MYH7B: variants seen among roughly 807,000 people sequenced by gnomAD.
MYH7B encodes the protein myosin-7B.
Under a neutral mutation model 234.5 loss-of-function variants are expected in MYH7B, and 205 were observed. The observed-to-expected ratio is 0.87, with a 90% confidence interval of 0.78 to 0.98. MYH7B has a LOEUF of 0.98. Ranked by LOEUF, MYH7B falls within the 50% of genes least tolerant of loss-of-function variation. The pLI, the probability that MYH7B is intolerant of heterozygous loss-of-function variation, is 0.00. For synonymous variants in MYH7B, 1,193 were observed against 1,105.0 expected (o/e 1.08, Z -1.58); for missense variants, 2,652 against 2,633.4 (o/e 1.01, Z -0.15).
intron 7 of MYH7B, 78 bp from the exon 8 acceptor site, chr20:34,980,500 T>C: frequency 7.6e-7 from 1 of 1,314,016 alleles, no homozygotes; most frequent in Non-Finnish European, 1.1e-6. Context: ...ATCATGCCGT[T>C]GTACTCCAGC....
At chr20:34,962,305 T>C (rs1170583948) in intron 2 of MYH7B, among the ~76,000 whole-genome samples, 1 of 152,228 alleles carries the variant, frequency 6.6e-6, no homozygotes, top group Non-Finnish European at 1.5e-5. Flanking sequence ...CGTGGGTAGA[T>C]ACCTAGGAGT....
intron 22 of MYH7B, 144 bp from the exon 23 acceptor site, chr20:34,990,594 G>T: frequency 1.3e-6 from 1 of 789,714 alleles, no homozygotes; most frequent in Non-Finnish European, 2.2e-6. Context: ...ACAGCGAAGG[G>T]TCTCCCATCA....
At chr20:34,978,881 G>A (rs1206527255) in intron 5 of MYH7B, among the ~76,000 whole-genome samples, 1 of 152,160 alleles carries the variant, frequency 6.6e-6, no homozygotes, top group Non-Finnish European at 1.5e-5. Flanking sequence ...CTGAGTCCAT[G>A]CTTCTAACCA....
chr20:34,982,472 G>T (rs765093016), exon 10 of MYH7B: 1 of 1,614,026 alleles, frequency 6.2e-7, no homozygotes. Context: ...AGAGTCGGGG[G>T]CCGGTAAGAC....
intron 2 of MYH7B, among the ~76,000 whole-genome samples, chr20:34,965,892 T>A (rs2081737346): frequency 6.6e-6 from 1 of 152,192 alleles, no homozygotes; most frequent in African/African-American, 2.4e-5. Flanking sequence ...GTGGGGCTAC[T>A]GTAGATGGGC....
intron 1 of MYH7B, among the ~76,000 whole-genome samples, 178 bp from the exon 2 acceptor site, chr20:34,957,920 A>G (rs185911800): frequency 7.9e-5 from 12 of 152,294 alleles, no homozygotes; most frequent in Admixed American, 4.6e-4. Context: ...TCCCAGAACA[A>G]TGTTTCCTGA....
intron 1 of MYH7B, 51 bp downstream of exon 1, chr20:34,956,058 G>T: frequency 6.6e-6 from 1 of 152,416 alleles, no homozygotes. Context: ...GTGGAAGATG[G>T]GGAAACTAAT....
In MYH7B at chr20:34,998,887, C is replaced by T. The variant is rs781462289; in HGVS notation, c.4162C>T (p.Gln1388Ter). 2 of 1,612,984 alleles carry T rather than the reference C, an allele frequency of 1.2e-6. No homozygotes were observed. The highest frequency in any genetic ancestry group is 2.2e-5 in the South Asian group (2 of 91,066). Residue 1388 changes from glutamine (Q) to a stop codon, truncating the protein, a stop_gained, in exon 35 of 45, where the codon CAG becomes TAG. Coordinates refer to ENST00000262873, the Ensembl canonical transcript of MYH7B. LOFTEE classifies it high-confidence loss of function. ...GAGCAAGTACGAAGCAGATGCCATC[C>T]AGAGGACCGAGGAGCTGGAGGAGGC...
intron 5 of MYH7B, among the ~76,000 whole-genome samples, chr20:34,978,732 TTTAA>T (rs1175033214): frequency 6.6e-6 from 1 of 152,118 alleles, no homozygotes; most frequent in East Asian, 1.9e-4. Context: ...TCTTGAAAGT[TTTAA>T]TTGTTTTCAA....
exon 37 of MYH7B, chr20:34,999,591 G>C (rs1248195350): frequency 3.4e-5 from 55 of 1,611,962 alleles, no homozygotes; most frequent in Non-Finnish European, 4.4e-5. Context: ...CGACCTCACA[G>C]ACCAGGTGAG....
At chr20:34,987,611 G>A (rs2082053525) in exon 17 of MYH7B, 1 of 1,614,126 alleles carries the variant, frequency 6.2e-7, no homozygotes. Context: ...CTCCTCAAAG[G>A]CCTTTTGCAC....
At chr20:34,958,982 C>G (rs543992644) in intron 2 of MYH7B, among the ~76,000 whole-genome samples, 1 of 152,250 alleles carries the variant, frequency 6.6e-6, no homozygotes, top group South Asian at 2.1e-4. Context: ...AGAAGGAAAC[C>G]AACATTTAAT....
At chr20:34,998,895 C>G in exon 35 of MYH7B, 3 of 1,612,642 alleles carry the variant, frequency 1.9e-6, no homozygotes, top group Non-Finnish European at 2.5e-6. Flanking sequence ...TCCAGAGGAC[C>G]GAGGAGCTGG....
intron 1 of MYH7B, among the ~76,000 whole-genome samples, chr20:34,957,572 C>G (rs2081653423): frequency 6.8e-6 from 1 of 147,514 alleles, no homozygotes; most frequent in Admixed American, 7.0e-5. Context: ...TCACTGCAAC[C>G]TCCACTTCCC....
At chr20:34,990,236 G>A in exon 22 of MYH7B, 1 of 1,614,118 alleles carries the variant, frequency 6.2e-7, no homozygotes, top group Non-Finnish European at 8.5e-7. Flanking sequence ...TCTATTAGCT[G>A]AGCCCCCCAA....
intron 28 of MYH7B, 97 bp downstream of exon 28, chr20:34,995,675 G>A (rs1569056538): frequency 1.2e-5 from 18 of 1,531,520 alleles, no homozygotes; most frequent in Non-Finnish European, 1.5e-5. Context: ...CTAAGCCTCT[G>A]CTTTCTGGCC....
intron 5 of MYH7B, among the ~76,000 whole-genome samples, chr20:34,978,347 G>A (rs985534153): frequency 2.0e-5 from 3 of 152,128 alleles, no homozygotes; most frequent in Non-Finnish European, 4.4e-5. Context: ...CCTGCCTTCC[G>A]GAGCTGCAGT....
At position 34,987,288 on chromosome 20, in the gene MYH7B, G is replaced by T; in HGVS notation, c.1147+1G>T. 1 of 1,610,352 alleles carries T rather than the reference G, an allele frequency of 6.2e-7. No homozygotes were observed. Among genetic ancestry groups the T allele is most frequent in the Non-Finnish European group, 8.5e-7 (1 of 1,179,916 alleles). On this transcript the variant is annotated splice_donor_variant, in intron 16 of 44. Coordinates refer to ENST00000262873, the Ensembl canonical transcript of MYH7B. LOFTEE classifies it high-confidence loss of function. ...CAGGCGGAGGCCGATGGCACTGAGA[G>T]TGAGGGGCCCTAACCTGGCCTTCAA...
At chr20:34,966,587 G>A (rs1007797662) in intron 2 of MYH7B, among the ~76,000 whole-genome samples, 2 of 152,108 alleles carry the variant, frequency 1.3e-5, no homozygotes, top group Admixed American at 1.3e-4. Flanking sequence ...TGATGAAGTC[G>A]TATAGAACTT....
Sources: allele counts gnomAD v4.1 joint callset (sites outside exome capture counted in the v4.1 genomes callset), GRCh38; gene constraint gnomAD v4.1.1; transcripts MANE v1.5; gene names NCBI Gene and HGNC (gene_info 2026-07-23, HGNC 2026-07-21).